The following DOCK3 variants were observed in gnomAD, a reference collection of about 807,000 sequenced individuals.
The protein encoded by DOCK3 is dedicator of cytokinesis 3, also known as dedicator of cytokinesis protein 3.
In DOCK3, 60 loss-of-function variants were observed where a neutral mutation model predicts 265.6. That is an observed-to-expected ratio of 0.23 (90% CI 0.18 to 0.28). The LOEUF is 0.28. Among genes scored for constraint, DOCK3 ranks in the 10% least tolerant of loss-of-function variants. DOCK3 has a pLI of 1.00. For missense variants in DOCK3, 1,981 were observed against 2,594.3 expected (o/e 0.76, Z 5.14); for synonymous variants, 881 against 938.0 (o/e 0.94, Z 1.11).
At chr3:50,945,868 AC>A (rs1185928820) in intron 5 of DOCK3, among the ~76,000 whole-genome samples, 3 of 152,124 alleles carry the variant, frequency 2.0e-5, no homozygotes, top group African/African-American at 4.8e-5. Context: ...GATTTTGAGC[AC>A]TTTAGCTTCA....
intron 5 of DOCK3, among the ~76,000 whole-genome samples, chr3:51,052,892 T>A (rs1428487619): frequency 6.6e-6 from 1 of 151,738 alleles, no homozygotes; most frequent in Non-Finnish European, 1.5e-5. Flanking sequence ...TTTGTGTTGA[T>A]TCTGAGAGGG....
chr3:50,833,099 C>A (rs2045290699), intron 2 of DOCK3, among the ~76,000 whole-genome samples: 1 of 152,110 alleles, frequency 6.6e-6, no homozygotes, highest in East Asian at 1.9e-4. Context: ...TATGGGGCTG[C>A]TAGCTGATCC....
At chr3:51,149,578 T>C (rs1056708009) in intron 10 of DOCK3, among the ~76,000 whole-genome samples, 1 of 152,246 alleles carries the variant, frequency 6.6e-6, no homozygotes, top group Non-Finnish European at 1.5e-5. Context: ...AAAGGCCTTT[T>C]CTGCATCTAT....
At chr3:50,978,629 C>G (rs1173283670) in intron 5 of DOCK3, among the ~76,000 whole-genome samples, 1 of 152,158 alleles carries the variant, frequency 6.6e-6, no homozygotes, top group Admixed American at 6.5e-5. Flanking sequence ...AGAGGTGGAG[C>G]CTACAGAGGC....
At chr3:51,035,336 C>T (rs1321854288) in intron 5 of DOCK3, among the ~76,000 whole-genome samples, 1 of 152,050 alleles carries the variant, frequency 6.6e-6, no homozygotes, top group Admixed American at 6.6e-5. Flanking sequence ...AGTTCACCAA[C>T]TCTTTCGTCA....
intron 49 of DOCK3, among the ~76,000 whole-genome samples, chr3:51,368,340 C>T (rs1392400351): frequency 2.0e-5 from 3 of 152,186 alleles, no homozygotes; most frequent in Non-Finnish European, 4.4e-5. Context: ...CCTGGAAAAT[C>T]GGGACACTCC....
intron 3 of DOCK3, among the ~76,000 whole-genome samples, chr3:50,847,903 A>AAAAAT (rs1553682502): frequency 2.0e-5 from 3 of 149,666 alleles, no homozygotes; most frequent in Non-Finnish European, 4.5e-5. Flanking sequence ...AAAAAAAAAA[A>AAAAAT]TCCCCCACAG....
chr3:50,839,922 C>G (rs1182120651), intron 2 of DOCK3, among the ~76,000 whole-genome samples: 1 of 151,162 alleles, frequency 6.6e-6, no homozygotes, highest in Admixed American at 6.6e-5. Context: ...GTGTGCGCCA[C>G]CATGCCTGGC....
chr3:51,123,226 A>G (rs2084113432), intron 9 of DOCK3, among the ~76,000 whole-genome samples: 1 of 152,148 alleles, frequency 6.6e-6, no homozygotes, highest in Non-Finnish European at 1.5e-5. Flanking sequence ...GCTTCAGCCC[A>G]TAAGTCAGAA....
chr3:50,781,468 C>G (rs2041917009), intron 2 of DOCK3, among the ~76,000 whole-genome samples: 1 of 151,736 alleles, frequency 6.6e-6, no homozygotes, highest in Non-Finnish European at 1.5e-5. Flanking sequence ...TGGGGTTTTG[C>G]CATGTTGCCC....
chr3:50,949,845 A>C lies in DOCK3; in HGVS notation c.315+15768A>C, dbSNP rs1013991371. 2.6e-5 allele frequency among the ~76,000 whole-genome samples: 4 copies of C among 151,946 alleles called. No homozygotes were observed. In the East Asian group the frequency reaches 7.7e-4, roughly 29 times the overall value. On this transcript the variant is annotated intron_variant, in intron 5 of 52. Transcript: ENST00000266037. ...TCTTGCTCTTGCTAAACTTGTGTCT[A>C]TTTTAGTAACCTATATAGGAAATAT...
chr3:51,122,595 T>C (rs1330315539), intron 9 of DOCK3, among the ~76,000 whole-genome samples: 1 of 152,262 alleles, frequency 6.6e-6, no homozygotes, highest in East Asian at 1.9e-4. Context: ...GAGAAATGTG[T>C]GAAGTATATT....
At chr3:51,073,515 A>G (rs949419382) in intron 6 of DOCK3, among the ~76,000 whole-genome samples, 2 of 152,218 alleles carry the variant, frequency 1.3e-5, no homozygotes, top group Non-Finnish European at 2.9e-5. Context: ...CGGGATCCCA[A>G]TTGTAGAAAA....
intron 5 of DOCK3, among the ~76,000 whole-genome samples, chr3:51,027,903 A>G (rs556296845): frequency 3.3e-5 from 5 of 151,806 alleles, no homozygotes; most frequent in South Asian, 4.2e-4. Context: ...GCCACTCTGT[A>G]TCTTTTAAGT....
chr3:51,192,772 G>A (rs1376881703), intron 12 of DOCK3, among the ~76,000 whole-genome samples: 1 of 151,932 alleles, frequency 6.6e-6, no homozygotes, highest in Non-Finnish European at 1.5e-5. Context: ...CAGGAGTCAG[G>A]TGCCCAGCCT....
chr3:51,063,213 TC>T (rs1484430020), intron 5 of DOCK3, among the ~76,000 whole-genome samples: 113 of 141,886 alleles, frequency 8.0e-4, no homozygotes, highest in African/African-American at 2.4e-3. Flanking sequence ...CAAGACTCTA[TC>T]AAAAAAAAAA....
intron 9 of DOCK3, among the ~76,000 whole-genome samples, chr3:51,104,835 C>G (rs1049890194): frequency 6.6e-6 from 1 of 152,078 alleles, no homozygotes; most frequent in African/African-American, 2.4e-5. Context: ...GTCTCCCAGG[C>G]TGGAGTGAAG....
intron 32 of DOCK3, among the ~76,000 whole-genome samples, chr3:51,326,679 T>G (rs996895414): frequency 6.7e-6 from 1 of 148,310 alleles, no homozygotes; most frequent in Non-Finnish European, 1.5e-5. Context: ...TGGAGTGCAA[T>G]GGCATGATCT....
At chr3:50,685,305 C>T (rs2034708099) in intron 1 of DOCK3, among the ~76,000 whole-genome samples, 1 of 152,120 alleles carries the variant, frequency 6.6e-6, no homozygotes, top group African/African-American at 2.4e-5. Flanking sequence ...TATAATAGGG[C>T]ATTATTTCCT....
Sources: gnomAD v4.1 joint callset for allele counts (sites outside exome capture counted in the v4.1 genomes callset) on GRCh38, gnomAD v4.1.1 for gene constraint, MANE v1.5 for transcripts, NCBI Gene and HGNC (gene_info 2026-07-23, HGNC 2026-07-21) for gene names.